Variants in MPRIP observed in about 807,000 individuals in gnomAD.
MPRIP encodes the protein myosin phosphatase Rho interacting protein, also known as myosin phosphatase Rho-interacting protein.
Under a neutral mutation model 234.9 loss-of-function variants are expected in MPRIP, and 59 were observed. The ratio of observed to expected loss-of-function variants is 0.25; its 90% CI spans 0.20 to 0.31. The LOEUF (loss-of-function observed/expected upper bound fraction) is 0.31. MPRIP is among the 10% of genes least tolerant of loss of function. MPRIP has a pLI of 1.00. For missense variants in MPRIP, 2,436 were observed against 3,071.0 expected (o/e 0.79, Z 4.89); for synonymous variants, 1,144 against 1,263.9 (o/e 0.91, Z 2.01).
At chr17:17,149,150 T>A (rs2045541513) in intron 11 of MPRIP, among the ~76,000 whole-genome samples, 1 of 152,190 alleles carries the variant, frequency 6.6e-6, no homozygotes, top group South Asian at 2.1e-4. Flanking sequence ...TTTAAGAGCC[T>A]ACTGCTTGTC....
At chr17:17,155,363 C>A (rs532727591) in intron 13 of MPRIP, among the ~76,000 whole-genome samples, 14 of 152,172 alleles carry the variant, frequency 9.2e-5, no homozygotes, top group African/African-American at 3.4e-4. Context: ...AGCAGTTCTC[C>A]TGCCTCAGCC....
rs1360973910 is a variant in MPRIP at position 17,126,745 on chromosome 17, C to T, written c.311C>T (p.Thr104Ile). The part of the protein sequence containing the change: ...PQGTINMNQC[T>I]DVVDGEGRTG... ...GGCACCATCAACATGAACCAGTGCA[C>T]AGATGTGGTGGATGGGGAGGGCCGC... The change falls in exon 4 of 24, where the codon ACA becomes ATA. Residue 104 changes from threonine to isoleucine, a missense_variant. Thr to Ile is a moderately conservative substitution (Grantham distance 89, BLOSUM62 -1). Coordinates refer to ENST00000651222, the MANE Select transcript of MPRIP (RefSeq NM_001364716.4). 6 of 1,614,004 alleles carry T rather than the reference C, an allele frequency of 3.7e-6. No homozygotes were observed. The African/African-American group carries it at 5.3e-5, about 14-fold the overall frequency.
intron 4 of MPRIP, among the ~76,000 whole-genome samples, chr17:17,131,333 C>T (rs2090592501): frequency 6.6e-6 from 1 of 152,328 alleles, no homozygotes; most frequent in South Asian, 2.1e-4. Flanking sequence ...AATTCCAGGC[C>T]CTGGAGACAG....
chr17:17,085,479 G>A (rs1035325253), intron 3 of MPRIP, among the ~76,000 whole-genome samples: 1 of 152,188 alleles, frequency 6.6e-6, no homozygotes, highest in African/African-American at 2.4e-5. Context: ...GAGAGACTTC[G>A]GTCTTTAAGT....
Position 17,161,340 on chromosome 17 carries a change from A to T in MPRIP, c.2501A>T (p.Glu834Val). 6.3e-7 allele frequency: 1 copy of T among 1,583,668 alleles called. No individual in the cohort carries two copies. Among genetic ancestry groups the T allele is most frequent in the Non-Finnish European group, 8.6e-7 (1 of 1,162,636 alleles). The change falls in exon 15 of 24, where the codon GAG (glutamate) becomes GTG (valine). Residue 834 changes from glutamate to valine, a missense_variant. By Grantham distance (121) the Glu-to-Val change is moderately radical. This residue lies in a region of MPRIP where 1,998 missense variants were observed against 2,520.3 expected (regional missense o/e 0.79). Coordinates refer to ENST00000651222, the MANE Select transcript of MPRIP (RefSeq NM_001364716.4). ...VALGREQSAR[E>V]GYVLQTEVAA... ...CTGGGCCGGGAGCAGAGCGCCCGTG[A>T]GGGCTACGTGCTGCAGGTAGGGTGG...
At chr17:17,174,711 T>G (rs1389092131) in intron 19 of MPRIP, among the ~76,000 whole-genome samples, 1 of 151,244 alleles carries the variant, frequency 6.6e-6, no homozygotes, top group African/African-American at 2.4e-5. Flanking sequence ...GGTGGGCGCC[T>G]ATAGTCCCAT....
chr17:17,168,478 G>C (rs2046055416), intron 16 of MPRIP: 2 of 281,492 alleles, frequency 7.1e-6, no homozygotes, highest in Non-Finnish European at 1.4e-5. Context: ...TTCCCACGGA[G>C]CACAGCCTCC....
chr17:17,175,193 A>G, intron 19 of MPRIP, 100 bp from the exon 20 acceptor site: 6 of 1,555,286 alleles, frequency 3.9e-6, no homozygotes, highest in Non-Finnish European at 5.3e-6. Flanking sequence ...GCAGTTCCAC[A>G]GATACACAAA....
chr17:17,151,041 T>TC (rs2045591872), intron 12 of MPRIP, among the ~76,000 whole-genome samples: 1 of 149,958 alleles, frequency 6.7e-6, no homozygotes, highest in African/African-American at 2.5e-5. Flanking sequence ...TTATTATTAT[T>TC]ATCATTATTT....
chr17:17,088,962 T>C (rs2144127828), intron 3 of MPRIP, among the ~76,000 whole-genome samples: 1 of 152,276 alleles, frequency 6.6e-6, no homozygotes, highest in East Asian at 1.9e-4. Flanking sequence ...ACAGGGACCT[T>C]AGGAAGGAGG....
chr17:17,180,237 TG>T (rs1199755328), intron 23 of MPRIP, 149 bp downstream of exon 23: 2 of 672,810 alleles, frequency 3.0e-6, no homozygotes, highest in African/African-American at 1.8e-5. Flanking sequence ...CCTGCTGGGC[TG>T]GTTCTGGTGG....
At position 17,138,497 on chromosome 17, in the gene MPRIP, C is replaced by G. The variant is rs2090751733; in HGVS notation, c.1250+68C>G. The G allele has an allele frequency of 6.0e-6, 1 of 165,618 alleles. No individual in the cohort carries two copies. Among genetic ancestry groups the G allele is most frequent in the East Asian group, 1.8e-4 (1 of 5,652 alleles). The allele number at this position is 165,618 out of a possible 1,614,324, so 10.3% of individuals were successfully genotyped here. A position where few individuals can be genotyped will look rare whatever the true frequency, so the allele number is the denominator to read the frequency against. On this transcript the variant is annotated intron_variant, in intron 7 of 23. Coordinates refer to ENST00000651222, the MANE Select transcript of MPRIP (RefSeq NM_001364716.4). This position sits in a 1 kb window ranked among gnomAD's most constrained non-coding sequence, Gnocchi z 5.8. ...ATGCACTTCCACCCACGCACATACA[C>G]TCATACTCTCTGTTTCTCTCACATA...
chr17:17,157,995 G>A (rs914688794), intron 13 of MPRIP, among the ~76,000 whole-genome samples: 1 of 152,196 alleles, frequency 6.6e-6, no homozygotes, highest in African/African-American at 2.4e-5. Context: ...CCCAGGTGCA[G>A]CCTAATGTAG....
At chr17:17,083,330 G>C (rs985819708) in intron 3 of MPRIP, among the ~76,000 whole-genome samples, 2 of 152,166 alleles carry the variant, frequency 1.3e-5, no homozygotes, top group African/African-American at 4.8e-5. Context: ...AAGTAAACAG[G>C]CTTGGTCCAA....
At position 17,117,424 on chromosome 17, in the gene MPRIP, C is replaced by T. The variant is rs115140968; in HGVS notation, c.268-9278C>T. Among the ~76,000 whole-genome samples, 1,328 of 152,330 alleles carry T rather than the reference C, an allele frequency of 8.7e-3. 18 individuals are homozygous for T. Among genetic ancestry groups the T allele is most frequent in the African/African-American group, 0.03 (1,254 of 41,566 alleles). ...CTCTGCTTTTTCTCTATGGGTTGGC[C>T]TTTTCTGAACATTTCACCAAGATGG... On this transcript the variant is annotated intron_variant, in intron 3 of 23. Transcript: ENST00000651222.
At chr17:17,103,885 C>A (rs1349432164) in intron 3 of MPRIP, among the ~76,000 whole-genome samples, 1 of 152,126 alleles carries the variant, frequency 6.6e-6, no homozygotes, top group Non-Finnish European at 1.5e-5. Context: ...CGAGTAAAGC[C>A]TCTTTGTTCC....
chr17:17,043,049 A>T, intron 1 of MPRIP, 78 bp downstream of exon 1: 1 of 1,410,736 alleles, frequency 7.1e-7, no homozygotes, highest in Non-Finnish European at 9.8e-7. Flanking sequence ...CAAGGGCTGC[A>T]GGGAAAATAA....
intron 3 of MPRIP, among the ~76,000 whole-genome samples, chr17:17,123,666 T>C (rs910920687): frequency 1.5e-5 from 2 of 135,844 alleles, no homozygotes; most frequent in Non-Finnish European, 3.0e-5. Flanking sequence ...ATCACACCAC[T>C]GCACTCCAGC....
chr17:17,169,105 A>G (rs2046074082), intron 16 of MPRIP: 1 of 421,466 alleles, frequency 2.4e-6, no homozygotes. Flanking sequence ...CAAATCAGTC[A>G]AAACCTTTTA....
Sources: gnomAD v4.1 joint callset for allele counts (sites outside exome capture counted in the v4.1 genomes callset) on GRCh38, gnomAD v4.1.1 for gene constraint, gnomAD v4.1.1 regional missense constraint, Gnocchi (gnomAD v3.1) non-coding constraint, MANE v1.5 for transcripts, NCBI Gene and HGNC (gene_info 2026-07-23, HGNC 2026-07-21) for gene names.